PRKCH: variants seen among roughly 807,000 people sequenced by gnomAD.
PRKCH encodes the protein protein kinase C eta.
PRKCH carries 28 observed loss-of-function variants against 82.5 expected under a neutral mutation model. The observed-to-expected ratio is 0.34, with a 90% CI of 0.25 to 0.47. PRKCH has a LOEUF of 0.47. Ranked by LOEUF, PRKCH falls within the 20% of genes least tolerant of loss-of-function variation. The probability of loss-of-function intolerance (pLI) is 1.00; values close to 1 mark genes in which losing one functional copy is unlikely to be tolerated. For synonymous variants in PRKCH, 322 were observed against 327.4 expected (o/e 0.98, Z 0.18); for missense variants, 705 against 881.8 (o/e 0.80, Z 2.54).
At chr14:61,270,864 G>A (rs750599989) in intron 1 of PRKCH, among the ~76,000 whole-genome samples, 1 of 152,158 alleles carries the variant, frequency 6.6e-6, no homozygotes, top group Non-Finnish European at 1.5e-5. Context: ...GTTCATGCTA[G>A]TCAGGAGGCT....
chr14:61,429,518 A>G (rs993024815), intron 2 of PRKCH, among the ~76,000 whole-genome samples: 1 of 152,230 alleles, frequency 6.6e-6, no homozygotes, highest in Non-Finnish European at 1.5e-5. Context: ...ACTTTCAGAT[A>G]ATGGAGAATA....
intron 1 of PRKCH, among the ~76,000 whole-genome samples, chr14:61,258,660 A>C (rs868829704): frequency 6.6e-6 from 1 of 152,210 alleles, no homozygotes; most frequent in Non-Finnish European, 1.5e-5. Context: ...TCAATCCTCC[A>C]ATTAAAATGC....
intron 1 of PRKCH, among the ~76,000 whole-genome samples, chr14:61,242,137 A>G (rs1057473916): frequency 1.3e-5 from 2 of 152,350 alleles, no homozygotes; most frequent in Admixed American, 6.5e-5. Flanking sequence ...TTGTTACTTT[A>G]CTGAAAGAGT....
rs781010363 is a variant in PRKCH at position 61,457,348 on chromosome 14, G to T, written c.1104+29G>T. The T allele has an allele frequency of 1.2e-5, 19 of 1,612,272 alleles. No individual in the cohort carries two copies. In the Middle Eastern group the frequency reaches 6.6e-4, roughly 56 times the overall value. ...AGTCTTGGCTTTAACTGTTTGGGTT[G>T]AAGTAAGTGTGCTCTGTGTATGGGG... On this transcript the variant is annotated intron_variant, in intron 8 of 13. Coordinates refer to ENST00000332981, the MANE Select transcript of PRKCH (RefSeq NM_006255.5).
chr14:61,205,461 C>A (rs1208076401), intron 1 of PRKCH, among the ~76,000 whole-genome samples: 2 of 152,200 alleles, frequency 1.3e-5, no homozygotes, highest in Admixed American at 1.3e-4. Context: ...TTGGAAGCCC[C>A]ATTACCACTC....
intron 1 of PRKCH, among the ~76,000 whole-genome samples, chr14:61,258,887 T>A (rs969049852): frequency 6.6e-6 from 1 of 152,250 alleles, no homozygotes; most frequent in African/African-American, 2.4e-5. Context: ...AATAAGCTAA[T>A]TTTTTAACAT....
intron 1 of PRKCH, among the ~76,000 whole-genome samples, chr14:61,210,790 C>CTCTGTG (rs1351869252): frequency 5.0e-5 from 7 of 139,058 alleles, no homozygotes; most frequent in South Asian, 2.3e-4. Context: ...CTCTCTCTCT[C>CTCTGTG]TGTGTGTGTG....
At chr14:61,371,228 A>C (rs1354159237) in intron 1 of PRKCH, among the ~76,000 whole-genome samples, 1 of 152,130 alleles carries the variant, frequency 6.6e-6, no homozygotes, top group Non-Finnish European at 1.5e-5. Context: ...GAATTCCCAT[A>C]TACCCAACAG....
rs1389078295 is a variant in PRKCH, at chr14:61,550,533, C to G, written c.*702C>G. ...AAACAACAGGTTTGCATTCATGAAG[C>G]TTTCATTCATTCTGGAGTCTACTAA... On this transcript the variant is annotated 3_prime_UTR_variant, in exon 14 of 14. Coordinates refer to ENST00000332981, the MANE Select transcript of PRKCH (RefSeq NM_006255.5). 1 of 152,650 alleles carries G rather than the reference C, an allele frequency of 6.6e-6. No homozygotes were observed. The highest frequency in any genetic ancestry group is 2.4e-5 in the African/African-American group (1 of 41,458). 9.5% of individuals were successfully genotyped at this position (152,650 alleles called of 1,614,324 possible).
chr14:61,506,269 A>G (rs1225107400), intron 10 of PRKCH, among the ~76,000 whole-genome samples: 6 of 152,170 alleles, frequency 3.9e-5, no homozygotes, highest in Non-Finnish European at 5.9e-5. Flanking sequence ...GAAAAATGTC[A>G]GGAATACTCT....
intron 1 of PRKCH, among the ~76,000 whole-genome samples, chr14:61,373,356 G>A (rs1180794070): frequency 6.6e-6 from 1 of 151,588 alleles, no homozygotes; most frequent in Non-Finnish European, 1.5e-5. Flanking sequence ...AGAGTAAAGG[G>A]GAAAGTGCCA....
intron 1 of PRKCH, among the ~76,000 whole-genome samples, chr14:61,330,955 C>CA (rs33981035): frequency 0.023 from 3,538 of 151,630 alleles, 123 homozygotes; most frequent in African/African-American, 0.076. Context: ...CTGATGAGCT[C>CA]AAAAAAAATC....
chr14:61,448,763 A>T (rs1315365137), intron 4 of PRKCH, among the ~76,000 whole-genome samples: 1 of 152,190 alleles, frequency 6.6e-6, no homozygotes, highest in Non-Finnish European at 1.5e-5. Flanking sequence ...TAGATCCCAT[A>T]GAAGAAAGGT....
chr14:61,484,023 AGAAT>A (rs1229425777), intron 9 of PRKCH, among the ~76,000 whole-genome samples: 1 of 152,206 alleles, frequency 6.6e-6, no homozygotes, highest in Admixed American at 6.5e-5. Flanking sequence ...CTTGGGTGAC[AGAAT>A]GAGACCCTGT....
At chr14:61,274,803 G>A (rs1209045807) in intron 1 of PRKCH, among the ~76,000 whole-genome samples, 1 of 152,202 alleles carries the variant, frequency 6.6e-6, no homozygotes. Flanking sequence ...TTTTGGAAAT[G>A]TGAGTTTGGA....
chr14:61,348,764 A>C (rs1262852657), intron 1 of PRKCH, among the ~76,000 whole-genome samples: 1 of 152,052 alleles, frequency 6.6e-6, no homozygotes, highest in African/African-American at 2.4e-5. Flanking sequence ...TTCCACCCCC[A>C]CTATTTTATG....
At chr14:61,548,861 CAAAAAA>C (rs11424840) in intron 13 of PRKCH, among the ~76,000 whole-genome samples, 1 of 128,838 alleles carries the variant, frequency 7.8e-6, no homozygotes, top group Non-Finnish European at 1.6e-5. Context: ...GACTTTGTCT[CAAAAAA>C]AAAAAAAAAA....
At chr14:61,256,872 A>G (rs981140515) in intron 1 of PRKCH, among the ~76,000 whole-genome samples, 3 of 152,186 alleles carry the variant, frequency 2.0e-5, no homozygotes, top group Non-Finnish European at 2.9e-5. Context: ...TCAAGAGAGA[A>G]AACCTGGTTT....
chr14:61,329,551 A>G (rs1334213199), intron 1 of PRKCH, among the ~76,000 whole-genome samples: 1 of 152,166 alleles, frequency 6.6e-6, no homozygotes, highest in Non-Finnish European at 1.5e-5. Flanking sequence ...CAGAGTCTTT[A>G]AAATGGTATA....
Sources: allele counts gnomAD v4.1 joint callset (sites outside exome capture counted in the v4.1 genomes callset), GRCh38; gene constraint gnomAD v4.1.1; transcripts MANE v1.5; gene names NCBI Gene and HGNC (gene_info 2026-07-23, HGNC 2026-07-21).